DNA2: variants seen among roughly 807,000 people sequenced by gnomAD.
The protein encoded by DNA2 is DNA replication ATP-dependent helicase/nuclease DNA2.
DNA2 carries 101 observed loss-of-function variants against 119.1 expected under a neutral mutation model. The observed-to-expected ratio is 0.85, with a 90% CI of 0.72 to 1.00. The LOEUF (loss-of-function observed/expected upper bound fraction) is 1.00, where lower values mean the gene tolerates loss of function less well. DNA2 is among the 50% of genes least tolerant of loss of function. DNA2 has a pLI of 0.00. For synonymous variants in DNA2, 366 were observed against 424.4 expected (o/e 0.86, Z 1.69); for missense variants, 1,121 against 1,255.5 (o/e 0.89, Z 1.62).
intron 6 of DNA2, among the ~76,000 whole-genome samples, chr10:68,447,857 G>A (rs1389105025): frequency 1.3e-5 from 2 of 151,648 alleles, no homozygotes; most frequent in Non-Finnish European, 2.9e-5. Flanking sequence ...GGTGGTGGGC[G>A]CCTGTAGTCC....
At chr10:68,455,851 AC>A (rs2052175800) in intron 5 of DNA2, among the ~76,000 whole-genome samples, 1 of 151,960 alleles carries the variant, frequency 6.6e-6, no homozygotes, top group Non-Finnish European at 1.5e-5. Context: ...AAACAAACAA[AC>A]AAAAAACTCA....
intron 14 of DNA2, among the ~76,000 whole-genome samples, chr10:68,424,282 T>C (rs772101322): frequency 6.6e-6 from 1 of 152,146 alleles, no homozygotes; most frequent in Non-Finnish European, 1.5e-5. Flanking sequence ...GGTGGGCAGA[T>C]TGCTGGAGCT....
At chr10:68,465,897 T>C (rs1446042952) in intron 3 of DNA2, 85 bp from the exon 4 acceptor site, 3 of 1,200,172 alleles carry the variant, frequency 2.5e-6, no homozygotes, top group Non-Finnish European at 3.2e-6. Flanking sequence ...TAAACCACCA[T>C]AGCCAAAATG....
intron 14 of DNA2, among the ~76,000 whole-genome samples, chr10:68,429,246 T>TAAA (rs530484976): frequency 2.1e-3 from 242 of 117,774 alleles, no homozygotes; most frequent in African/African-American, 6.1e-3. Context: ...AAGGTTCAAT[T>TAAA]AAAAAAAAAA....
In DNA2 at chr10:68,471,848, T is replaced by G; in HGVS notation, c.17A>C (p.Glu6Ala). ...ACTCTTCTCCATCAGCAGCTCCAGT[T>G]CGTTCAGCTGCTCCATCCTGGACGC... MEQLN[E>A]LELLMEKSFW... is the part of the protein sequence containing the mutation. The change falls in exon 1 of 21, where the codon GAA (glutamate) becomes GCA (alanine). Residue 6 changes from glutamate to alanine, a missense_variant. Coordinates refer to ENST00000358410, the MANE Select transcript of DNA2 (RefSeq NM_001080449.3). 6.2e-7 allele frequency: 1 copy of G among 1,613,864 alleles called. No homozygotes were observed. The highest frequency in any genetic ancestry group is 8.5e-7 in the Non-Finnish European group (1 of 1,179,802).
rs529815960 is a variant in DNA2 at position 68,429,160 on chromosome 10, G to C, written c.2208+1276C>G. 9.9e-5 allele frequency among the ~76,000 whole-genome samples: 15 copies of C among 151,634 alleles called. No individual in the cohort carries two copies. In the South Asian group the frequency reaches 2.9e-3, roughly 29 times the overall value. ...GAACACTCTATTAAATCTAATCTTTGGGAAATTTTTTAAAGACAAAAATAT... is the reference window on the plus strand; with the variant it reads ...GAACACTCTATTAAATCTAATCTTTCGGAAATTTTTTAAAGACAAAAATAT... On this transcript the variant is annotated intron_variant, in intron 14 of 20. Transcript: ENST00000358410.
In DNA2 at chr10:68,432,056, A is replaced by C. The variant is rs1370858321; in HGVS notation, c.1874-85T>G. ...TTATTTCATAAGAAAAGCAGTCTCT[A>C]TCCAAGTCTATTCTTCAATACAAAA... is the stretch of plus-strand genomic sequence containing the variant. On this transcript the variant is annotated intron_variant, in intron 12 of 20. Transcript: ENST00000358410. 2.5e-6 allele frequency: 3 copies of C among 1,202,564 alleles called. No homozygotes were observed. The African/African-American group carries it at 4.6e-5, about 18-fold the overall frequency. 74.5% of individuals were successfully genotyped at this position (1,202,564 alleles called of 1,614,324 possible).
upstream of DNA2, chr10:68,472,011 G>GC: frequency 6.2e-7 from 1 of 1,609,660 alleles, no homozygotes; most frequent in Non-Finnish European, 8.5e-7. Context: ...CCTGCGCCAG[G>GC]CCGCCCCTCC....
chr10:68,419,357 G>T, intron 18 of DNA2, 144 bp from the exon 19 acceptor site: 1 of 641,202 alleles, frequency 1.6e-6, no homozygotes, highest in Non-Finnish European at 2.5e-6. Flanking sequence ...TACAATTACT[G>T]AATTTGCTCT....
At chr10:68,465,579 T>C in intron 4 of DNA2, 88 bp downstream of exon 4, 4 of 971,466 alleles carry the variant, frequency 4.1e-6, no homozygotes, top group Non-Finnish European at 5.7e-6. Flanking sequence ...CTAATTTATA[T>C]TGGATAGTCT....
intron 5 of DNA2, among the ~76,000 whole-genome samples, chr10:68,453,789 G>A (rs529522854): frequency 6.6e-5 from 10 of 152,284 alleles, no homozygotes; most frequent in Non-Finnish European, 1.2e-4. Context: ...TGTAGTAGGC[G>A]CTCTACCATC....
At position 68,422,511 on chromosome 10, in the gene DNA2, A is replaced by C. The variant is rs2273904; in HGVS notation, c.2492+4T>G. On this transcript the variant is annotated splice_donor_region_variant and intron_variant, in intron 16 of 20. Transcript: ENST00000358410. ...CCACTCCTAGCTAACACTGTTACAA[A>C]TACCTGTTCATTCTGTACTGCACGG... 6.2e-7 allele frequency: 1 copy of C among 1,613,842 alleles called. No homozygotes were observed. The highest frequency in any genetic ancestry group is 1.1e-5 in the South Asian group (1 of 91,074).
At chr10:68,451,793 G>A (rs1187384898) in intron 5 of DNA2, among the ~76,000 whole-genome samples, 1 of 148,588 alleles carries the variant, frequency 6.7e-6, no homozygotes, top group African/African-American at 2.5e-5. Flanking sequence ...CTTTTGCCAT[G>A]TTGTCCTGGC....
intron 5 of DNA2, 117 bp downstream of exon 5, chr10:68,458,983 TAAGC>T (rs1289825176): frequency 1.1e-6 from 1 of 869,936 alleles, no homozygotes; most frequent in Non-Finnish European, 1.6e-6. Context: ...ATTTATAAAA[TAAGC>T]AAGCAAAATG....
intron 9 of DNA2, among the ~76,000 whole-genome samples, chr10:68,441,747 C>G (rs2051971396): frequency 6.6e-6 from 1 of 152,008 alleles, no homozygotes. Context: ...TGCACTCCAG[C>G]CTGGGTGACA....
intron 8 of DNA2, among the ~76,000 whole-genome samples, chr10:68,443,914 G>C (rs909143271): frequency 6.6e-6 from 1 of 151,552 alleles, no homozygotes; most frequent in African/African-American, 2.4e-5. Flanking sequence ...TTGCACCACT[G>C]CACTCCAGCC....
rs757618004 is a variant in DNA2, at chr10:68,430,630, C to T, written c.2014G>A (p.Val672Ile). Residue 672 changes from valine to isoleucine, a missense_variant, in exon 14 of 21, where the codon GTT (valine) becomes ATT (isoleucine). By Grantham distance (29) the Val-to-Ile change is conservative. Coordinates refer to ENST00000358410, the MANE Select transcript of DNA2 (RefSeq NM_001080449.3). ...GAGTGTGTATAGCTGGTCAACAAAA[C>T]GCTAAAACCACAGGCGTAGAGAATT... ...VRILYACGFS[V>I]LLTSYTHSAV... is the part of the protein sequence containing the mutation. 2.0e-5 allele frequency: 32 copies of T among 1,602,176 alleles called. No homozygotes were observed. Among genetic ancestry groups the T allele is most frequent in the South Asian group, 1.2e-4 (11 of 88,822 alleles).
At chr10:68,435,787 T>G (rs2051881546) in intron 10 of DNA2, among the ~76,000 whole-genome samples, 2 of 152,272 alleles carry the variant, frequency 1.3e-5, no homozygotes, top group South Asian at 4.1e-4. Flanking sequence ...CATTTTGTTG[T>G]AACTGAAATG....
At chr10:68,463,714 T>G (rs1291728833) in intron 4 of DNA2, among the ~76,000 whole-genome samples, 1 of 151,950 alleles carries the variant, frequency 6.6e-6, no homozygotes, top group Non-Finnish European at 1.5e-5. Context: ...CTCACTTGCT[T>G]AAGGGAGCAC....
Sources: allele counts gnomAD v4.1 joint callset (sites outside exome capture counted in the v4.1 genomes callset), GRCh38; gene constraint gnomAD v4.1.1; transcripts MANE v1.5; gene names NCBI Gene and HGNC (gene_info 2026-07-23, HGNC 2026-07-21).